The following EPHB2 variants were observed in gnomAD, a reference collection of about 807,000 sequenced individuals.
EPHB2 encodes ephrin type-B receptor 2.
In EPHB2, 18 loss-of-function variants were observed where a neutral mutation model predicts 96.4. The ratio of observed to expected loss-of-function variants is 0.19; its 90% CI spans 0.13 to 0.28. EPHB2 has a LOEUF of 0.28. EPHB2 is among the 10% of genes least tolerant of loss of function. EPHB2 has a pLI of 1.00. For synonymous variants in EPHB2, 506 were observed against 534.1 expected, an observed-to-expected ratio of 0.95 and a Z score of 0.72; for missense variants, 989 against 1,355.4, an observed-to-expected ratio of 0.73 and a Z score of 4.25.
At chr1:22,781,321 A>C in intron 1 of EPHB2, 100 bp from the exon 2 acceptor site, 1 of 532,036 alleles carries the variant, frequency 1.9e-6, no homozygotes, top group East Asian at 4.1e-5. Context: ...CTCCGTCTAA[A>C]AAAAAAAAAA....
intron 1 of EPHB2, among the ~76,000 whole-genome samples, chr1:22,723,433 G>A (rs539716920): frequency 3.3e-5 from 5 of 152,210 alleles, no homozygotes; most frequent in Admixed American, 6.5e-5. Flanking sequence ...CGCAGCTCTC[G>A]GGAGAACAGT....
chr1:22,712,368 C>T (rs12070186), intron 1 of EPHB2, among the ~76,000 whole-genome samples: 13 of 152,226 alleles, frequency 8.5e-5, no homozygotes, highest in Non-Finnish European at 1.9e-4. Flanking sequence ...TTCCAGGGTT[C>T]TGCTCCCTTG....
intron 9 of EPHB2, among the ~76,000 whole-genome samples, chr1:22,905,775 C>G (rs1246926578): frequency 6.6e-6 from 1 of 152,220 alleles, no homozygotes; most frequent in African/African-American, 2.4e-5. Flanking sequence ...TCTGCCACCC[C>G]TGCTGGTCTC....
intron 1 of EPHB2, among the ~76,000 whole-genome samples, chr1:22,779,729 T>G (rs1644502113): frequency 6.6e-6 from 1 of 152,236 alleles, no homozygotes; most frequent in African/African-American, 2.4e-5. Flanking sequence ...CCCATCCCTG[T>G]GCTTCAGTTG....
At chr1:22,893,532 A>G (rs1360569641) in intron 7 of EPHB2, among the ~76,000 whole-genome samples, 2 of 152,300 alleles carry the variant, frequency 1.3e-5, no homozygotes, top group African/African-American at 4.8e-5. Flanking sequence ...CCTGTGTGCT[A>G]CGTTTCCCAC....
intron 1 of EPHB2, among the ~76,000 whole-genome samples, chr1:22,755,193 A>G (rs1485967147): frequency 6.6e-6 from 1 of 152,094 alleles, no homozygotes; most frequent in African/African-American, 2.4e-5. Flanking sequence ...ATACAGTGTC[A>G]GGTGCCACTA....
chr1:22,912,996 CA>C (rs1640157433), intron 15 of EPHB2: 1 of 354,942 alleles, frequency 2.8e-6, no homozygotes, highest in Non-Finnish European at 5.5e-6. Context: ...AGTTCAAGAC[CA>C]GCCTGACCAA....
At chr1:22,837,856 C>A (rs917524142) in intron 3 of EPHB2, among the ~76,000 whole-genome samples, 2 of 152,134 alleles carry the variant, frequency 1.3e-5, no homozygotes, top group African/African-American at 4.8e-5. Flanking sequence ...CCAGGAAGAC[C>A]GAGGATGCCT....
intron 3 of EPHB2, among the ~76,000 whole-genome samples, chr1:22,830,025 G>A (rs1401842925): frequency 2.0e-5 from 3 of 152,174 alleles, no homozygotes; most frequent in African/African-American, 7.2e-5. Context: ...AAATGGCTGT[G>A]CGAGTTCATG....
At chr1:22,908,423 G>A (rs144271822) in intron 12 of EPHB2, among the ~76,000 whole-genome samples, 2 of 152,368 alleles carry the variant, frequency 1.3e-5, no homozygotes, top group African/African-American at 4.8e-5. Context: ...AGGAAGGCTT[G>A]CTAGAGAGGT....
chr1:22,735,182 T>TGGGAGGGTGAGGC (rs1338237939), intron 1 of EPHB2, among the ~76,000 whole-genome samples: 1 of 151,964 alleles, frequency 6.6e-6, no homozygotes, highest in Non-Finnish European at 1.5e-5. Flanking sequence ...CAGCACACTT[T>TGGGAGGGTGAGGC]GGGAGGGTGA....
intron 1 of EPHB2, among the ~76,000 whole-genome samples, chr1:22,772,778 G>C (rs1644397602): frequency 6.6e-6 from 1 of 152,216 alleles, no homozygotes; most frequent in African/African-American, 2.4e-5. Context: ...TCTGTACAGT[G>C]GGATAAAGGT....
chr1:22,901,580 GAGGTCCTCACCCGACCTCGGTTCAGCA>G (rs1639748084), intron 9 of EPHB2, among the ~76,000 whole-genome samples: 1 of 152,208 alleles, frequency 6.6e-6, no homozygotes, highest in Non-Finnish European at 1.5e-5. Context: ...TTTGCCTGCA[GAGGTCCTCACCCGACCTCGGTTCAGCA>G]AGTGCCCCTT....
In EPHB2 at chr1:22,761,889, C is replaced by G. The variant is rs142908470; in HGVS notation, c.62-19532C>G. On this transcript the variant is annotated intron_variant, in intron 1 of 15. Transcript: ENST00000374630. ...CGAGGGACTTGGTTGCCAGCTCTGG[C>G]TCCCCAGCAGAGGGAGGGGGGCGTC... Among the ~76,000 whole-genome samples, 545 of 152,340 alleles carry G rather than the reference C, an allele frequency of 3.6e-3. 8 individuals are homozygous for G. Among genetic ancestry groups the G allele is most frequent in the African/African-American group, 0.013 (529 of 41,572 alleles).
At chr1:22,811,147 T>C (rs1644996673) in intron 3 of EPHB2, among the ~76,000 whole-genome samples, 1 of 152,128 alleles carries the variant, frequency 6.6e-6, no homozygotes, top group Non-Finnish European at 1.5e-5. Flanking sequence ...CCGTAGCCCA[T>C]GTGTGTATGA....
At chr1:22,725,085 T>C (rs1643552236) in intron 1 of EPHB2, among the ~76,000 whole-genome samples, 1 of 152,150 alleles carries the variant, frequency 6.6e-6, no homozygotes, top group African/African-American at 2.4e-5. Flanking sequence ...GCAGCCCTTT[T>C]ATATTGCCTA....
chr1:22,882,584 C>G (rs1300327615), intron 6 of EPHB2, 101 bp downstream of exon 6: 31 of 1,568,466 alleles, frequency 2.0e-5, no homozygotes, highest in Non-Finnish European at 2.7e-5. Context: ...ATGAGACGCA[C>G]TGGTGCAGCA....
At chr1:22,769,981 G>A (rs112729493) in intron 1 of EPHB2, among the ~76,000 whole-genome samples, 23 of 152,038 alleles carry the variant, frequency 1.5e-4, no homozygotes, top group Non-Finnish European at 4.4e-5. Context: ...AGATGAATGT[G>A]GTAAATGAGA....
intron 3 of EPHB2, among the ~76,000 whole-genome samples, chr1:22,819,813 A>C (rs1007158698): frequency 2.3e-5 from 1 of 43,296 alleles, no homozygotes; most frequent in Non-Finnish European, 4.9e-5. Context: ...CTACAAATTG[A>C]TGATTTTTTT....
Sources: gnomAD v4.1 joint callset for allele counts (sites outside exome capture counted in the v4.1 genomes callset) on GRCh38, gnomAD v4.1.1 for gene constraint, MANE v1.5 for transcripts, NCBI Gene and HGNC (gene_info 2026-07-23, HGNC 2026-07-21) for gene names.